Variants in KARS1 observed in about 807,000 individuals in gnomAD.
KARS1 encodes lysine--tRNA ligase.
In KARS1, 50 loss-of-function variants were observed where a neutral mutation model predicts 63.9. The observed-to-expected ratio is 0.78, with a 90% CI of 0.62 to 0.99. KARS1 has a LOEUF of 0.99. Ranked by LOEUF, KARS1 falls within the 50% of genes least tolerant of loss-of-function variation. The pLI is 0.00. For missense variants in KARS1, 816 were observed against 754.5 expected (o/e 1.08, Z -0.95); for synonymous variants, 320 against 264.6 (o/e 1.21, Z -2.03).
intron 1 of KARS1, chr16:75,644,328 G>T: frequency 6.2e-7 from 1 of 1,608,920 alleles, no homozygotes. Flanking sequence ...CGCTGTGAAA[G>T]GAGCAAGTTG....
intron 1 of KARS1, 111 bp downstream of exon 1, chr16:75,647,467 C>T: frequency 2.0e-6 from 2 of 1,006,044 alleles, no homozygotes; most frequent in Non-Finnish European, 3.1e-6. Context: ...TGCGTACCCA[C>T]GAGAGCCGGC....
intron 1 of KARS1, chr16:75,642,776 G>A (rs2082239844): frequency 6.6e-6 from 1 of 152,076 alleles, no homozygotes; most frequent in African/African-American, 2.4e-5. Context: ...AGGCTGCCTG[G>A]GACTAAATTC....
At chr16:75,641,120 C>T (rs2082219289) in intron 2 of KARS1, among the ~76,000 whole-genome samples, 1 of 152,028 alleles carries the variant, frequency 6.6e-6, no homozygotes, top group Non-Finnish European at 1.5e-5. Context: ...AGTGAGATCA[C>T]ACCACTGCAC....
intron 12 of KARS1, 43 bp from the exon 13 acceptor site, chr16:75,628,755 TATCTC>T: frequency 6.2e-7 from 1 of 1,609,058 alleles, no homozygotes; most frequent in Non-Finnish European, 8.5e-7. Flanking sequence ...TCTTCTAAGA[TATCTC>T]AGTGTGTGAG....
chr16:75,631,260 C>A lies in KARS1; in HGVS notation c.1253-7G>T. ...TCAAGAATTTTGCGAGTTTCTGGGA[C>A]ACAAATGCAAAAGTTAGGGCAGGAG... On this transcript the variant is annotated splice_region_variant and splice_polypyrimidine_tract_variant and intron_variant, in intron 9 of 13. Coordinates refer to ENST00000302445, the MANE Select transcript of KARS1 (RefSeq NM_005548.3). The A allele has an allele frequency of 1.2e-6, 2 of 1,613,334 alleles. No individual in the cohort carries two copies. The highest frequency in any genetic ancestry group is 1.3e-5 in the African/African-American group (1 of 75,012).
chr16:75,629,855 G>A (rs1356177453), intron 11 of KARS1, among the ~76,000 whole-genome samples: 1 of 152,226 alleles, frequency 6.6e-6, no homozygotes, highest in Non-Finnish European at 1.5e-5. Flanking sequence ...AATTCTAGTG[G>A]ACTCAAAAGT....
At chr16:75,640,027 C>G (rs1009238209) in intron 3 of KARS1, 157 bp downstream of exon 3, 1 of 681,064 alleles carries the variant, frequency 1.5e-6, no homozygotes, top group East Asian at 2.7e-5. Context: ...GGCTGCTCTG[C>G]TTCTTTCTGT....
Position 75,636,486 on chromosome 16 carries a change from C to A in KARS1, c.450G>T (p.Glu150Asp), listed in dbSNP as rs201043699. 6.2e-7 allele frequency: 1 copy of A among 1,613,584 alleles called. No individual in the cohort carries two copies. ...GKLIFYDLRG[E>D]GVKLQVMANS... ...TGGCCATGACTTGCAACTTCACCCC[C>A]TCTCCTCGAAGATCATAGAAGATGA... The change falls in exon 4 of 14, where the codon GAG becomes GAT. Residue 150 changes from glutamate to aspartate, a missense_variant. By Grantham distance (45) the Glu-to-Asp change is conservative. Coordinates refer to ENST00000302445, the MANE Select transcript of KARS1 (RefSeq NM_005548.3).
intron 11 of KARS1, 27 bp from the exon 12 acceptor site, chr16:75,629,568 C>G (rs765865252): frequency 5.0e-6 from 8 of 1,613,170 alleles, no homozygotes; most frequent in Non-Finnish European, 6.8e-6. Flanking sequence ...AAAGAGGAGG[C>G]TGAATATAGA....
intron 9 of KARS1, 64 bp from the exon 10 acceptor site, chr16:75,631,317 A>G (rs2082110565): frequency 2.5e-6 from 4 of 1,579,366 alleles, no homozygotes. Context: ...AATGTACATA[A>G]AGAGAATAGT....
Position 75,631,541 on chromosome 16 carries a change from T to A in KARS1, c.1127A>T (p.Asp376Val). 6.2e-7 allele frequency: 1 copy of A among 1,614,022 alleles called. No individual in the cohort carries two copies. Among genetic ancestry groups the A allele is most frequent in the Non-Finnish European group, 8.5e-7 (1 of 1,179,888 alleles). ...ATCGTAGGCTTGGCCCTCTGGGCCA[T>A]CTGGGTGGTAGGTGACCTTGTAACT... is the stretch of plus-strand genomic sequence containing the variant. Reference protein sequence around the residue: ...TGSYKVTYHPDGPEGQAYDVD... With the variant: ...TGSYKVTYHPVGPEGQAYDVD... Residue 376 changes from aspartate to valine, a missense_variant, in exon 9 of 14, where the codon GAT (aspartate) becomes GTT (valine). Physicochemically the swap from Asp to Val is radical, Grantham distance 152. Transcript: ENST00000302445.
chr16:75,646,489 T>G (rs2082285134), intron 1 of KARS1, among the ~76,000 whole-genome samples: 1 of 150,240 alleles, frequency 6.7e-6, no homozygotes, highest in South Asian at 2.1e-4. Context: ...TGCAGTGAGC[T>G]GAGATCGCGC....
chr16:75,635,808 A>G lies in KARS1; in HGVS notation c.670-3T>C. On this transcript the variant is annotated splice_region_variant and splice_polypyrimidine_tract_variant and intron_variant, in intron 5 of 13. Coordinates refer to ENST00000302445, the MANE Select transcript of KARS1 (RefSeq NM_005548.3). Reference sequence around the variant, plus strand: ...TATCTCTGGCGATACCTTGTTTCCTAAACCAAAAGCAGCAGTTAGAAATCA... The same window carrying G: ...TATCTCTGGCGATACCTTGTTTCCTGAACCAAAAGCAGCAGTTAGAAATCA... 1 of 1,614,246 alleles carries G rather than the reference A, an allele frequency of 6.2e-7. No homozygotes were observed.
At chr16:75,641,812 G>A (rs886433623) in intron 1 of KARS1, 89 bp from the exon 2 acceptor site, 14 of 1,390,920 alleles carry the variant, frequency 1.0e-5, no homozygotes, top group Non-Finnish European at 1.4e-5. Flanking sequence ...AACATGAATC[G>A]CCCAGGAGAA....
At chr16:75,638,910 G>A (rs2082192962) in intron 3 of KARS1, among the ~76,000 whole-genome samples, 2 of 152,246 alleles carry the variant, frequency 1.3e-5, no homozygotes, top group South Asian at 4.1e-4. Flanking sequence ...GCTCATGCCT[G>A]TAATCCCAGC....
chr16:75,633,556 C>T (rs2082133437), intron 7 of KARS1, among the ~76,000 whole-genome samples: 1 of 136,552 alleles, frequency 7.3e-6, no homozygotes, highest in African/African-American at 2.8e-5. Flanking sequence ...CTCATTCTGT[C>T]ACCCAGGCTG....
In KARS1 at chr16:75,641,683, C is replaced by T; in HGVS notation, c.103G>A (p.Glu35Lys). The T allele has an allele frequency of 6.2e-7, 1 of 1,614,014 alleles. No individual in the cohort carries two copies. The highest frequency in any genetic ancestry group is 8.5e-7 in the Non-Finnish European group (1 of 1,180,032). The change falls in exon 2 of 14, where the codon GAG (glutamate) becomes AAG (lysine). Residue 35 changes from glutamate (E) to lysine (K), a missense_variant. Physicochemically the swap from Glu to Lys is moderately conservative, Grantham distance 56 (BLOSUM62 1). Coordinates refer to ENST00000302445, the MANE Select transcript of KARS1 (RefSeq NM_005548.3). ...RRLKAEKKVA[E>K]KEAKQKELSE... ...AGCTCTTTCTGTTTGGCCTCCTTCT[C>T]TGCTACTTTCTTCTCAGCTTTCAGG...
chr16:75,643,522 T>G (rs1362538373), intron 1 of KARS1, among the ~76,000 whole-genome samples: 1 of 151,954 alleles, frequency 6.6e-6, no homozygotes, highest in Non-Finnish European at 1.5e-5. Context: ...GGACTACAGG[T>G]GCCCGCCACC....
chr16:75,639,597 T>G (rs967504336), intron 3 of KARS1, among the ~76,000 whole-genome samples: 10 of 147,508 alleles, frequency 6.8e-5, no homozygotes, highest in African/African-American at 2.7e-4. Flanking sequence ...AAAAAAGATT[T>G]TAGTAAAATC....
Sources: allele counts gnomAD v4.1 joint callset (sites outside exome capture counted in the v4.1 genomes callset), GRCh38; gene constraint gnomAD v4.1.1; transcripts MANE v1.5; gene names NCBI Gene and HGNC (gene_info 2026-07-23, HGNC 2026-07-21).